Variants in BCKDHB observed in about 807,000 individuals in gnomAD.
The protein encoded by BCKDHB is 2-oxoisovalerate dehydrogenase subunit beta, mitochondrial.
A neutral mutation model predicts 48.5 loss-of-function variants in BCKDHB; 41 were observed. The ratio of observed to expected loss-of-function variants is 0.85; its 90% CI spans 0.66 to 1.10. The LOEUF (loss-of-function observed/expected upper bound fraction) is 1.10, where lower values mean the gene tolerates loss of function less well. Among genes scored for constraint, BCKDHB ranks in the 50% least tolerant of loss-of-function variants. The probability of loss-of-function intolerance (pLI) is 0.00; values close to 1 mark genes in which losing one functional copy is unlikely to be tolerated. For missense variants in BCKDHB, 496 were observed against 494.2 expected (o/e 1.00, Z -0.03); for synonymous variants, 201 against 174.8 (o/e 1.15, Z -1.18).
intron 9 of BCKDHB, among the ~76,000 whole-genome samples, chr6:80,301,959 A>G (rs751461224): frequency 1.1e-4 from 16 of 152,134 alleles, no homozygotes; most frequent in Non-Finnish European, 4.4e-5. Flanking sequence ...ATATCTCTTT[A>G]TGATAACCCT....
intron 9 of BCKDHB, among the ~76,000 whole-genome samples, chr6:80,318,544 G>A (rs1038507258): frequency 6.6e-6 from 1 of 151,980 alleles, no homozygotes; most frequent in South Asian, 2.1e-4. Flanking sequence ...AATTAGCCGG[G>A]CATGGCAGCA....
At chr6:80,360,414 A>G in the BCKDHB span, among the ~76,000 whole-genome samples, 2 of 152,200 alleles carry the variant, frequency 1.3e-5, no homozygotes, top group Admixed American at 6.5e-5. Flanking sequence ...ACCGTGCACA[A>G]GAGTAGCTCA....
chr6:80,249,483 T>A (rs1776749129), intron 8 of BCKDHB, among the ~76,000 whole-genome samples: 1 of 152,276 alleles, frequency 6.6e-6, no homozygotes, highest in East Asian at 1.9e-4. Flanking sequence ...AAATTAAATT[T>A]TGTTTTACTT....
At chr6:80,295,967 T>G (rs1379484332) in intron 9 of BCKDHB, among the ~76,000 whole-genome samples, 1 of 152,208 alleles carries the variant, frequency 6.6e-6, no homozygotes, top group Non-Finnish European at 1.5e-5. Flanking sequence ...TTTACTCAAT[T>G]GTTAAAAGCT....
the BCKDHB span, among the ~76,000 whole-genome samples, chr6:80,417,765 AT>A: frequency 0.087 from 13,163 of 151,838 alleles, 1,769 homozygotes; most frequent in African/African-American, 0.29. Context: ...TGCCTTTAAC[AT>A]TTTTTTCTTT....
chr6:80,193,581 G>A (rs1215391106), intron 6 of BCKDHB, among the ~76,000 whole-genome samples: 10 of 152,070 alleles, frequency 6.6e-5, no homozygotes, highest in East Asian at 1.9e-4. Context: ...CTAGCTGGGT[G>A]TGGTGGCGGG....
intron 8 of BCKDHB, among the ~76,000 whole-genome samples, chr6:80,232,582 G>A (rs990278723): frequency 4.0e-5 from 6 of 149,482 alleles, no homozygotes; most frequent in Admixed American, 2.7e-4. Context: ...ATATGTATGT[G>A]TATATATATA....
At chr6:80,219,861 TG>T (rs1369917451) in intron 8 of BCKDHB, among the ~76,000 whole-genome samples, 2 of 152,180 alleles carry the variant, frequency 1.3e-5, no homozygotes, top group Non-Finnish European at 2.9e-5. Context: ...AGTGTCACAT[TG>T]GGGTAGAAAA....
intron 9 of BCKDHB, among the ~76,000 whole-genome samples, chr6:80,300,938 A>G (rs150344778): frequency 6.6e-6 from 1 of 152,224 alleles, no homozygotes; most frequent in East Asian, 1.9e-4. Flanking sequence ...CTCCTGAATA[A>G]CTCCTGGGTG....
At chr6:80,145,869 C>T (rs1364497796) in intron 3 of BCKDHB, among the ~76,000 whole-genome samples, 1 of 151,992 alleles carries the variant, frequency 6.6e-6, no homozygotes, top group Non-Finnish European at 1.5e-5. Context: ...TTTAGTATGC[C>T]CTGGGATCTC....
intron 8 of BCKDHB, among the ~76,000 whole-genome samples, chr6:80,207,586 T>G (rs890526598): frequency 2.6e-5 from 4 of 151,620 alleles, no homozygotes; most frequent in Non-Finnish European, 5.9e-5. Flanking sequence ...TCTAAGATCC[T>G]CAGACTTCAT....
intron 9 of BCKDHB, chr6:80,307,679 G>A: frequency 1.0e-6 from 1 of 973,156 alleles, no homozygotes; most frequent in Non-Finnish European, 1.2e-6. Context: ...TTCACATTAG[G>A]CCTATTTTAA....
At chr6:80,447,546 A>G in the BCKDHB span, among the ~76,000 whole-genome samples, 1 of 151,722 alleles carries the variant, frequency 6.6e-6, no homozygotes, top group Non-Finnish European at 1.5e-5. Flanking sequence ...ACAAAGCATC[A>G]CCACAATTAA....
intron 3 of BCKDHB, among the ~76,000 whole-genome samples, chr6:80,144,706 G>A (rs1487176090): frequency 6.6e-6 from 1 of 152,060 alleles, no homozygotes; most frequent in Non-Finnish European, 1.5e-5. Flanking sequence ...CTTTCTTAAA[G>A]CATGAAGTAG....
At chr6:80,370,362 A>G in the BCKDHB span, among the ~76,000 whole-genome samples, 2 of 152,132 alleles carry the variant, frequency 1.3e-5, no homozygotes, top group Non-Finnish European at 2.9e-5. Flanking sequence ...GGGCCTTTAC[A>G]TATTGGTAGA....
chr6:80,254,212 ATTAT>A lies in BCKDHB; in HGVS notation c.952-18919_952-18916del, dbSNP rs377524301. Among the ~76,000 whole-genome samples the A allele has an allele frequency of 4.3e-3, 656 of 151,542 alleles. 5 individuals carry two copies. Among genetic ancestry groups the A allele is most frequent in the African/African-American group, 0.015 (619 of 41,440 alleles). On this transcript the variant is annotated intron_variant, in intron 8 of 9. Coordinates refer to ENST00000320393, the MANE Select transcript of BCKDHB (RefSeq NM_183050.4). ...AATTTATTTACTTTATTATTTTATTATTATTTACTTTATTTCTATTTTATCCTGA... is the reference window on the plus strand; with the variant it reads ...AATTTATTTACTTTATTATTTTATTATTACTTTATTTCTATTTTATCCTGA...
the BCKDHB span, among the ~76,000 whole-genome samples, chr6:80,379,399 A>G: frequency 2.0e-5 from 3 of 152,034 alleles, no homozygotes; most frequent in Non-Finnish European, 2.9e-5. Context: ...ACATCACTTC[A>G]TGATTTTAAC....
the BCKDHB span, among the ~76,000 whole-genome samples, chr6:80,409,153 G>A: frequency 2.0e-5 from 3 of 152,176 alleles, no homozygotes; most frequent in East Asian, 3.9e-4. Flanking sequence ...TCAGGAGCAG[G>A]TTGTTCAGTT....
At chr6:80,405,638 A>ATT in the BCKDHB span, among the ~76,000 whole-genome samples, 3 of 152,024 alleles carry the variant, frequency 2.0e-5, no homozygotes, top group Admixed American at 6.6e-5. Context: ...TGATTTAATA[A>ATT]TTTTTTGCAG....
Sources: allele counts gnomAD v4.1 joint callset (sites outside exome capture counted in the v4.1 genomes callset), GRCh38; gene constraint gnomAD v4.1.1; transcripts MANE v1.5; gene names NCBI Gene and HGNC (gene_info 2026-07-23, HGNC 2026-07-21).